The following ERBB4 variants were observed in gnomAD, a reference collection of about 807,000 sequenced individuals.
ERBB4 encodes the protein erb-b2 receptor tyrosine kinase 4, also known as receptor tyrosine-protein kinase erbB-4.
A neutral mutation model predicts 158.0 loss-of-function variants in ERBB4; 42 were observed. The observed-to-expected ratio is 0.27, with a 90% CI of 0.21 to 0.34. The LOEUF (loss-of-function observed/expected upper bound fraction) is 0.34, where lower values mean the gene tolerates loss of function less well. ERBB4 is among the 10% of genes least tolerant of loss of function. The pLI is 1.00. For synonymous variants in ERBB4, 583 were observed against 558.7 expected, an observed-to-expected ratio of 1.04 and a Z score of -0.61; for missense variants, 1,333 against 1,624.1, an observed-to-expected ratio of 0.82 and a Z score of 3.08.
intron 12 of ERBB4, among the ~76,000 whole-genome samples, chr2:211,680,056 GGAA>G (rs1420788537): frequency 6.6e-6 from 1 of 152,164 alleles, no homozygotes; most frequent in Non-Finnish European, 1.5e-5. Context: ...TCACATGTAA[GGAA>G]GAAGTTTTGA....
chr2:211,554,583 A>G (rs1334365323), intron 20 of ERBB4, among the ~76,000 whole-genome samples: 4 of 152,352 alleles, frequency 2.6e-5, no homozygotes, highest in Admixed American at 1.3e-4. Context: ...TGTAGACACC[A>G]CAGGTACTGT....
chr2:212,258,203 T>A (rs1466951466), intron 1 of ERBB4, among the ~76,000 whole-genome samples: 1 of 152,114 alleles, frequency 6.6e-6, no homozygotes, highest in Non-Finnish European at 1.5e-5. Flanking sequence ...CCTAAAAGTA[T>A]TAGATAATTT....
intron 3 of ERBB4, among the ~76,000 whole-genome samples, chr2:211,944,318 C>A (rs2080618624): frequency 6.7e-6 from 1 of 149,918 alleles, no homozygotes; most frequent in Non-Finnish European, 1.5e-5. Flanking sequence ...TGGTTATTTA[C>A]CCTGTCGAAA....
At chr2:211,597,379 G>C (rs1428403150) in intron 19 of ERBB4, among the ~76,000 whole-genome samples, 1 of 152,094 alleles carries the variant, frequency 6.6e-6, no homozygotes, top group East Asian at 1.9e-4. Flanking sequence ...GTGTATATTA[G>C]TTTATAATCA....
At chr2:212,396,686 C>A (rs931487662) in intron 1 of ERBB4, among the ~76,000 whole-genome samples, 2 of 152,058 alleles carry the variant, frequency 1.3e-5, no homozygotes, top group African/African-American at 4.8e-5. Flanking sequence ...GTTCACAATA[C>A]CTACTTAAGC....
Position 212,003,178 on chromosome 2 carries a change from AAAGAAAG to A in ERBB4, c.235-55569_235-55563del, listed in dbSNP as rs1188395270. 1.1e-3 allele frequency among the ~76,000 whole-genome samples: 57 copies of A among 50,578 alleles called. 1 individual carries two copies. Among genetic ancestry groups the A allele is most frequent in the South Asian group, 1.7e-3 (2 of 1,174 alleles). The allele number at this position is 50,578 out of a possible 152,430, so 33.2% of individuals were successfully genotyped here. On this transcript the variant is annotated intron_variant, in intron 2 of 27. Transcript: ENST00000342788. ...GAAAGAAAGAAAGAAAGAAAGAAAG[AAAGAAAG>A]AAAGAAAGAAAGAAAGAAAGACAGA...
intron 1 of ERBB4, among the ~76,000 whole-genome samples, chr2:212,175,624 T>C (rs1489354207): frequency 6.7e-6 from 1 of 148,454 alleles, no homozygotes; most frequent in Admixed American, 6.7e-5. Context: ...TTTTTTTTTC[T>C]GGTAGGATGG....
At position 212,237,225 on chromosome 2, in the gene ERBB4, G is replaced by A. The variant is rs540355394; in HGVS notation, c.83-112322C>T. On this transcript the variant is annotated intron_variant, in intron 1 of 27. Coordinates refer to ENST00000342788, the MANE Select transcript of ERBB4 (RefSeq NM_005235.3). Reference sequence around the variant, plus strand: ...CATCTTCGTGGATTTATCTACCTTTGGTCTTTGATGTTGGTGACCTTTGGA... The same window carrying A: ...CATCTTCGTGGATTTATCTACCTTTAGTCTTTGATGTTGGTGACCTTTGGA... Among the ~76,000 whole-genome samples the A allele has an allele frequency of 2.0e-5, 3 of 152,220 alleles. No homozygotes were observed. In the South Asian group the frequency reaches 6.2e-4, roughly 32 times the overall value.
In ERBB4 at chr2:211,420,542, C is replaced by T. The variant is rs1574457273; in HGVS notation, c.3034G>A (p.Asp1012Asn). Reference sequence around the variant, plus strand: ...TCAGCATCCATCATATCTTCCAAATCCTCTTCATCCAAGAGATTCTGAAAG... The same window carrying T: ...TCAGCATCCATCATATCTTCCAAATTCTCTTCATCCAAGAGATTCTGAAAG... ...KFFQNLLDEEDLEDMMDAEEY... is the reference protein window; with the variant it reads ...KFFQNLLDEENLEDMMDAEEY... Residue 1012 changes from aspartate to asparagine, a missense_variant, in exon 25 of 28, where the codon GAT (aspartate) becomes AAT (asparagine). Coordinates refer to ENST00000342788, the MANE Select transcript of ERBB4 (RefSeq NM_005235.3). 1 of 1,612,620 alleles carries T rather than the reference C, an allele frequency of 6.2e-7. No individual in the cohort carries two copies. The highest frequency in any genetic ancestry group is 8.5e-7 in the Non-Finnish European group (1 of 1,178,880).
At chr2:212,242,378 TA>T (rs1179866330) in intron 1 of ERBB4, among the ~76,000 whole-genome samples, 17 of 152,230 alleles carry the variant, frequency 1.1e-4, no homozygotes, top group African/African-American at 3.6e-4. Context: ...TATATTTTAT[TA>T]AAACATGTAC....
At chr2:211,511,970 G>A (rs1322957496) in intron 20 of ERBB4, among the ~76,000 whole-genome samples, 1 of 152,064 alleles carries the variant, frequency 6.6e-6, no homozygotes. Flanking sequence ...TGGAGACATT[G>A]TATACCAGAG....
chr2:212,384,932 C>A (rs545919941), intron 1 of ERBB4, among the ~76,000 whole-genome samples: 2 of 145,642 alleles, frequency 1.4e-5, no homozygotes, highest in African/African-American at 5.1e-5. Flanking sequence ...CACACACACA[C>A]ACACTCACAC....
intron 20 of ERBB4, among the ~76,000 whole-genome samples, chr2:211,521,961 C>T (rs1024027713): frequency 1.3e-5 from 2 of 152,144 alleles, no homozygotes; most frequent in Non-Finnish European, 2.9e-5. Context: ...GACAATACAT[C>T]TAGTCATCCA....
At chr2:211,994,403 G>A (rs1399712225) in intron 2 of ERBB4, among the ~76,000 whole-genome samples, 1 of 152,098 alleles carries the variant, frequency 6.6e-6, no homozygotes, top group Non-Finnish European at 1.5e-5. Context: ...AAAGCATTAG[G>A]ATCACAGGCA....
intron 16 of ERBB4, among the ~76,000 whole-genome samples, chr2:211,640,364 A>G (rs1057225119): frequency 1.3e-5 from 2 of 152,186 alleles, no homozygotes; most frequent in Non-Finnish European, 2.9e-5. Flanking sequence ...AGATGGGAAA[A>G]GACTTTAAGA....
At chr2:212,493,394 T>A (rs1690388403) in intron 1 of ERBB4, among the ~76,000 whole-genome samples, 1 of 151,506 alleles carries the variant, frequency 6.6e-6, no homozygotes, top group Non-Finnish European at 1.5e-5. Context: ...CAAGTATTTT[T>A]AAATAAAAAT....
chr2:212,208,778 T>C (rs1221211343), intron 1 of ERBB4, among the ~76,000 whole-genome samples: 2 of 152,130 alleles, frequency 1.3e-5, no homozygotes, highest in Non-Finnish European at 2.9e-5. Context: ...CAGCCTTAAA[T>C]AGACACCAGA....
chr2:211,823,125 A>T (rs2077029361), intron 3 of ERBB4, among the ~76,000 whole-genome samples: 1 of 151,950 alleles, frequency 6.6e-6, no homozygotes, highest in Non-Finnish European at 1.5e-5. Context: ...CCCTGTATAA[A>T]TCACCAGACC....
At chr2:212,107,216 ACCC>A (rs1264543578) in intron 2 of ERBB4, among the ~76,000 whole-genome samples, 2 of 152,154 alleles carry the variant, frequency 1.3e-5, no homozygotes, top group Non-Finnish European at 2.9e-5. Context: ...GGGAGGCTGG[ACCC>A]TGCAAAGCCA....
Sources: allele counts gnomAD v4.1 joint callset (sites outside exome capture counted in the v4.1 genomes callset), GRCh38; gene constraint gnomAD v4.1.1; transcripts MANE v1.5; gene names NCBI Gene and HGNC (gene_info 2026-07-23, HGNC 2026-07-21).